GID4: variants seen among roughly 807,000 people sequenced by gnomAD.
GID4 encodes the protein glucose-induced degradation protein 4 homolog.
Under a neutral mutation model 32.4 loss-of-function variants are expected in GID4, and 7 were observed. The observed-to-expected ratio is 0.22, with a 90% CI of 0.12 to 0.41. The LOEUF (loss-of-function observed/expected upper bound fraction) is 0.41. Among genes scored for constraint, GID4 ranks in the 10% least tolerant of loss-of-function variants. The pLI is 1.00. For synonymous variants in GID4, 166 were observed against 170.0 expected (o/e 0.98, Z 0.18); for missense variants, 309 against 400.0 (o/e 0.77, Z 1.94).
At chr17:18,062,002 C>G (rs577898572) in intron 5 of GID4, 27 bp downstream of exon 5, 4 of 1,609,548 alleles carry the variant, frequency 2.5e-6, no homozygotes, top group Non-Finnish European at 3.4e-6. Context: ...ACAGAGGCCA[C>G]GGGGAGGGCT....
chr17:18,046,837 G>A (rs908874705), intron 2 of GID4, among the ~76,000 whole-genome samples: 5 of 150,606 alleles, frequency 3.3e-5, no homozygotes, highest in African/African-American at 9.8e-5. Flanking sequence ...CAGGAGGATC[G>A]CTTGAACCCG....
At position 18,065,370 on chromosome 17, in the gene GID4, A is replaced by C. The variant is rs2045051816; in HGVS notation, c.*127A>C. On this transcript the variant is annotated 3_prime_UTR_variant, in exon 6 of 6. Coordinates refer to ENST00000268719, the MANE Select transcript of GID4 (RefSeq NM_024052.5). ...TTCTTCACGAGCAGACTCGCATCAC[A>C]AAGCATGAATGTTAACCCACAGAAT... 5.4e-6 allele frequency: 4 copies of C among 739,790 alleles called. No homozygotes were observed. The Admixed American group carries it at 8.2e-5, about 15-fold the overall frequency. 45.8% of individuals were successfully genotyped at this position (739,790 alleles called of 1,614,324 possible).
chr17:18,059,214 G>C (rs2044997689), intron 4 of GID4, among the ~76,000 whole-genome samples: 1 of 152,134 alleles, frequency 6.6e-6, no homozygotes, highest in African/African-American at 2.4e-5. Flanking sequence ...GGTAGCAAGT[G>C]GATTTGGGCC....
rs1176674308 is a variant in GID4 at position 18,067,805 on chromosome 17, A to T, written c.*2562A>T. 1.3e-5 allele frequency: 2 copies of T among 152,656 alleles called. No homozygotes were observed. The highest frequency in any genetic ancestry group is 1.3e-4 in the Admixed American group (2 of 15,288). 9.5% of individuals were successfully genotyped at this position (152,656 alleles called of 1,614,324 possible). A position where few individuals can be genotyped will look rare whatever the true frequency, so the allele number is the denominator to read the frequency against. ...GTCTTCCATCCCAAACAAGCCTGCC[A>T]TGAGGTAGGATCCTAGGGGTTTGGC... On this transcript the variant is annotated 3_prime_UTR_variant, in exon 6 of 6. Transcript: ENST00000268719.
chr17:18,062,292 T>C (rs1489681643), intron 5 of GID4: 1 of 265,178 alleles, frequency 3.8e-6, no homozygotes, highest in Non-Finnish European at 7.5e-6. Context: ...CAAATTGAAT[T>C]AGTAACTAAA....
rs1305917684 is a variant in GID4, at chr17:18,065,761, A to C, written c.*518A>C. On this transcript the variant is annotated 3_prime_UTR_variant, in exon 6 of 6. Coordinates refer to ENST00000268719, the MANE Select transcript of GID4 (RefSeq NM_024052.5). ...TGCCGCATCATCGGCCACCAAGGGC[A>C]CAAGAGGCGGAGGCTCCAGTCCCTG... 1.0e-5 allele frequency: 2 copies of C among 191,858 alleles called. No homozygotes were observed. The highest frequency in any genetic ancestry group is 5.4e-5 in the Admixed American group (1 of 18,548). The allele number at this position is 191,858 out of a possible 1,614,324, so 11.9% of individuals were successfully genotyped here.
At chr17:18,063,629 T>C (rs2045035971) in intron 5 of GID4, among the ~76,000 whole-genome samples, 1 of 152,222 alleles carries the variant, frequency 6.6e-6, no homozygotes, top group African/African-American at 2.4e-5. Context: ...ATCTACAAAA[T>C]ACGGCCCTTG....
chr17:18,060,077 T>C (rs1597698617), intron 4 of GID4, among the ~76,000 whole-genome samples: 1 of 90,796 alleles, frequency 1.1e-5, no homozygotes. Context: ...AGAGCAAGAC[T>C]CCATCTCAAA....
At chr17:18,044,898 A>G (rs2044837770) in intron 1 of GID4, among the ~76,000 whole-genome samples, 2 of 152,220 alleles carry the variant, frequency 1.3e-5, no homozygotes, top group South Asian at 4.1e-4. Flanking sequence ...ACCCCATTTC[A>G]GAAAGACACT....
At position 18,065,309 on chromosome 17, in the gene GID4, G is replaced by A; in HGVS notation, c.*66G>A. On this transcript the variant is annotated 3_prime_UTR_variant, in exon 6 of 6. Coordinates refer to ENST00000268719, the MANE Select transcript of GID4 (RefSeq NM_024052.5). ...AAAAAAGAACTTTGCCGAGAAAATTGTGTACCTGCCAGAACCAGGAGAAGT... is the reference window on the plus strand; with the variant it reads ...AAAAAAGAACTTTGCCGAGAAAATTATGTACCTGCCAGAACCAGGAGAAGT... The A allele has an allele frequency of 1.1e-5, 13 of 1,194,262 alleles. No homozygotes were observed. The highest frequency in any genetic ancestry group is 1.6e-5 in the Non-Finnish European group (13 of 801,132). The allele number at this position is 1,194,262 out of a possible 1,614,324, so 74.0% of individuals were successfully genotyped here.
At chr17:18,041,088 T>A (rs2044797709) in intron 1 of GID4, among the ~76,000 whole-genome samples, 1 of 152,062 alleles carries the variant, frequency 6.6e-6, no homozygotes, top group African/African-American at 2.4e-5. Context: ...CCCTTTCCCC[T>A]TCCCTTTGCC....
At chr17:18,053,474 G>A (rs1285921309) in intron 2 of GID4, among the ~76,000 whole-genome samples, 5 of 151,992 alleles carry the variant, frequency 3.3e-5, no homozygotes, top group Admixed American at 1.3e-4. Context: ...TTAGGTGGGC[G>A]TGGTGGCAGC....
intron 2 of GID4, among the ~76,000 whole-genome samples, chr17:18,047,203 C>G (rs573142180): frequency 1.8e-4 from 27 of 152,094 alleles, no homozygotes; most frequent in Non-Finnish European, 4.0e-4. Flanking sequence ...TGTATCAAAT[C>G]AAGTAGGAGT....
intron 3 of GID4, 115 bp downstream of exon 3, chr17:18,054,349 A>T (rs2044943958): frequency 1.6e-6 from 1 of 624,242 alleles, no homozygotes; most frequent in African/African-American, 1.9e-5. Context: ...GCAACCAAGT[A>T]AAAGGTTGCA....
chr17:18,047,072 C>A (rs1015909721), intron 2 of GID4, among the ~76,000 whole-genome samples: 15 of 152,148 alleles, frequency 9.9e-5, no homozygotes, highest in African/African-American at 3.4e-4. Flanking sequence ...GAGCCTCAGT[C>A]TTAAGACAAG....
rs763382338 is a variant in GID4, at chr17:18,039,921, CG to C, written c.438+23del. ...GCTGCAGGTGAGCGCCGGGCCGGGC[CG>C]GGGCCCGAGGGCCTCCTCGCGGCGC... On this transcript the variant is annotated intron_variant, in intron 1 of 5. Coordinates refer to ENST00000268719, the MANE Select transcript of GID4 (RefSeq NM_024052.5). The surrounding 1 kb of genome is among the most constrained non-coding windows in gnomAD (Gnocchi z 5.3). 4.6e-5 allele frequency: 63 copies of C among 1,360,966 alleles called. No individual in the cohort carries two copies. The South Asian group carries it at 1.2e-3, about 25-fold the overall frequency. The allele number at this position is 1,360,966 out of a possible 1,614,324, so 84.3% of individuals were successfully genotyped here.
Position 18,067,299 on chromosome 17 carries a change from C to G in GID4, c.*2056C>G, listed in dbSNP as rs1490559541. On this transcript the variant is annotated 3_prime_UTR_variant, in exon 6 of 6. Coordinates refer to ENST00000268719, the MANE Select transcript of GID4 (RefSeq NM_024052.5). ...TGGAGCACTGAGTCCGGAGGTCATC[C>G]CTGAGCTCATCCACGGCTCATGCTG... 1 of 152,266 alleles carries G rather than the reference C, an allele frequency of 6.6e-6. No homozygotes were observed. Among genetic ancestry groups the G allele is most frequent in the Non-Finnish European group, 1.5e-5 (1 of 68,114 alleles). The allele number at this position is 152,266 out of a possible 1,614,324, so 9.4% of individuals were successfully genotyped here. A position where few individuals can be genotyped will look rare whatever the true frequency, so the allele number is the denominator to read the frequency against.
intron 5 of GID4, among the ~76,000 whole-genome samples, chr17:18,064,393 T>G (rs2045042456): frequency 6.6e-6 from 1 of 152,218 alleles, no homozygotes; most frequent in Non-Finnish European, 1.5e-5. Context: ...GTAGTTCTAA[T>G]TTGCATATTT....
In GID4 at chr17:18,065,626, G is replaced by A. The variant is rs187613009; in HGVS notation, c.*383G>A. 22 of 263,742 alleles carry A rather than the reference G, an allele frequency of 8.3e-5. No homozygotes were observed. Among genetic ancestry groups the A allele is most frequent in the African/African-American group, 1.4e-4 (6 of 43,870 alleles). 16.3% of individuals were successfully genotyped at this position (263,742 alleles called of 1,614,324 possible). On this transcript the variant is annotated 3_prime_UTR_variant, in exon 6 of 6. Coordinates refer to ENST00000268719, the MANE Select transcript of GID4 (RefSeq NM_024052.5). ...CTCAGCCTTGGTGCTCAGTGGTCCC[G>A]AGGCCCTAGACCCCCACCCCCCGCC...
Sources: allele counts gnomAD v4.1 joint callset (sites outside exome capture counted in the v4.1 genomes callset), GRCh38; gene constraint gnomAD v4.1.1; non-coding constraint Gnocchi (gnomAD v3.1); transcripts MANE v1.5; gene names NCBI Gene and HGNC (gene_info 2026-07-23, HGNC 2026-07-21).